Variants in PPP6R3 observed in about 807,000 individuals in gnomAD.
The protein encoded by PPP6R3 is serine/threonine-protein phosphatase 6 regulatory subunit 3.
In PPP6R3, 38 loss-of-function variants were observed where a neutral mutation model predicts 110.7. The observed-to-expected ratio is 0.34, with a 90% confidence interval of 0.26 to 0.45. PPP6R3 has a LOEUF of 0.45. Ranked by LOEUF, PPP6R3 falls within the 20% of genes least tolerant of loss-of-function variation. The pLI is 1.00. For synonymous variants in PPP6R3, 369 were observed against 373.5 expected, an observed-to-expected ratio of 0.99 and a Z score of 0.14; for missense variants, 870 against 1,062.4, an observed-to-expected ratio of 0.82 and a Z score of 2.52.
At chr11:68,591,120 T>C (rs527270435) in intron 17 of PPP6R3, among the ~76,000 whole-genome samples, 4 of 151,738 alleles carry the variant, frequency 2.6e-5, no homozygotes, top group Non-Finnish European at 5.9e-5. Flanking sequence ...AGACAGTTTA[T>C]TGATTTTATG....
At position 68,614,464 on chromosome 11, in the gene PPP6R3, G is replaced by A; in HGVS notation, c.*1347G>A. 1 of 1,364,192 alleles carries A rather than the reference G, an allele frequency of 7.3e-7. No homozygotes were observed. 84.5% of individuals were successfully genotyped at this position (1,364,192 alleles called of 1,614,324 possible). ...TTATTCACGTATTTTTACATCATTT[G>A]TTTTTCCTGACCAGTATTTAAAACC... is the stretch of plus-strand genomic sequence containing the variant. On this transcript the variant is annotated 3_prime_UTR_variant, in exon 24 of 24. Coordinates refer to ENST00000393800, the MANE Select transcript of PPP6R3 (RefSeq NM_001164161.2).
intron 14 of PPP6R3, among the ~76,000 whole-genome samples, chr11:68,576,982 T>C (rs1310862210): frequency 2.0e-5 from 3 of 152,184 alleles, no homozygotes; most frequent in Admixed American, 1.3e-4. Flanking sequence ...AAAAATATGG[T>C]CATCTTTTTC....
chr11:68,482,501 T>A lies in PPP6R3; in HGVS notation c.-158+21674T>A, dbSNP rs569628333. ...GAGTGTTTTGTTTTTGCAAGTTTTC[T>A]AGTGTAGAAGTCCTAAACTTACACA... On this transcript the variant is annotated intron_variant, in intron 1 of 23. Coordinates refer to ENST00000393800, the MANE Select transcript of PPP6R3 (RefSeq NM_001164161.2). Among the ~76,000 whole-genome samples the A allele has an allele frequency of 4.7e-4, 72 of 152,248 alleles. No homozygotes were observed. In the Middle Eastern group the frequency reaches 0.027, roughly 58 times the overall value.
intron 1 of PPP6R3, among the ~76,000 whole-genome samples, chr11:68,477,735 A>T (rs1264506071): frequency 1.6e-5 from 1 of 64,156 alleles, no homozygotes; most frequent in African/African-American, 5.9e-5. Context: ...TCTTAAAAAA[A>T]AAAAAAATAT....
At chr11:68,612,860 C>CA (rs924074169) in intron 23 of PPP6R3, 11 of 993,966 alleles carry the variant, frequency 1.1e-5, no homozygotes, top group African/African-American at 1.7e-5. Flanking sequence ...AATGCCTGCT[C>CA]ACCCGGTGAT....
At chr11:68,537,954 CTCTTGT>C (rs879830364) in intron 3 of PPP6R3, 63 bp downstream of exon 3, 1 of 1,225,172 alleles carries the variant, frequency 8.2e-7, no homozygotes, top group Non-Finnish European at 1.2e-6. Flanking sequence ...GAATATACAG[CTCTTGT>C]TCAAGGATTC....
intron 1 of PPP6R3, among the ~76,000 whole-genome samples, chr11:68,474,054 T>G (rs2098811025): frequency 6.6e-6 from 1 of 151,914 alleles, no homozygotes; most frequent in Non-Finnish European, 1.5e-5. Flanking sequence ...TTTTTTTTTT[T>G]TTTTTTGAGA....
intron 2 of PPP6R3, among the ~76,000 whole-genome samples, chr11:68,523,719 C>T (rs1230333330): frequency 1.1e-5 from 1 of 90,910 alleles, no homozygotes; most frequent in East Asian, 3.9e-4. Flanking sequence ...CCCCCCCCCC[C>T]CCTTTTTTTT....
intron 16 of PPP6R3, among the ~76,000 whole-genome samples, chr11:68,590,269 G>T (rs2099591187): frequency 6.6e-6 from 1 of 152,134 alleles, no homozygotes; most frequent in African/African-American, 2.4e-5. Context: ...ACTATCCCTG[G>T]AGAAAACTCA....
intron 1 of PPP6R3, among the ~76,000 whole-genome samples, chr11:68,518,550 G>T (rs1270397061): frequency 6.6e-6 from 1 of 152,096 alleles, no homozygotes; most frequent in Non-Finnish European, 1.5e-5. Flanking sequence ...ACAGCCACAT[G>T]GTCTGTTCTC....
intron 1 of PPP6R3, among the ~76,000 whole-genome samples, chr11:68,515,619 GGATTGTGTCTTTC>G (rs2099132693): frequency 6.6e-6 from 1 of 152,194 alleles, no homozygotes; most frequent in South Asian, 2.1e-4. Context: ...GTGGCATTCA[GGATTGTGTCTTTC>G]GAGATTATGA....
At chr11:68,595,187 A>T (rs2153896056) in intron 18 of PPP6R3, among the ~76,000 whole-genome samples, 1 of 150,646 alleles carries the variant, frequency 6.6e-6, no homozygotes, top group Admixed American at 6.6e-5. Flanking sequence ...CAAAAACACA[A>T]TACATAAAAA....
At chr11:68,486,014 T>C (rs972546767) in intron 1 of PPP6R3, among the ~76,000 whole-genome samples, 1 of 107,422 alleles carries the variant, frequency 9.3e-6, no homozygotes, top group Admixed American at 9.3e-5. Flanking sequence ...TAACTAAAAA[T>C]ACAAGAAAAA....
At chr11:68,608,563 C>T (rs1000687476) in intron 22 of PPP6R3, among the ~76,000 whole-genome samples, 2 of 152,142 alleles carry the variant, frequency 1.3e-5, no homozygotes, top group African/African-American at 2.4e-5. Context: ...TACTGAGAAA[C>T]GCCCAGACAG....
In PPP6R3 at chr11:68,531,046, A is replaced by T. The variant is rs75805066; in HGVS notation, c.-6-6613A>T. On this transcript the variant is annotated intron_variant, in intron 2 of 23. Coordinates refer to ENST00000393800, the MANE Select transcript of PPP6R3 (RefSeq NM_001164161.2). The stretch of plus-strand genomic sequence containing the variant: ...TGTCTTGTTGAATGAAAACCCACTG[A>T]TATCAACTTTTTCAGAGGTAGTTTC... Among the ~76,000 whole-genome samples, 1,086 of 152,216 alleles carry T rather than the reference A, an allele frequency of 7.1e-3. 12 individuals carry two copies. Among genetic ancestry groups the T allele is most frequent in the African/African-American group, 0.025 (1,033 of 41,500 alleles).
chr11:68,529,589 A>C (rs747843724), intron 2 of PPP6R3, among the ~76,000 whole-genome samples: 4 of 152,212 alleles, frequency 2.6e-5, no homozygotes, highest in Non-Finnish European at 5.9e-5. Context: ...TCTTGATGCA[A>C]GATCTAGCTC....
chr11:68,479,245 C>T (rs1591721139), intron 1 of PPP6R3, among the ~76,000 whole-genome samples: 1 of 152,132 alleles, frequency 6.6e-6, no homozygotes, highest in Non-Finnish European at 1.5e-5. Flanking sequence ...ACTGGAATAC[C>T]TGTAACCGCT....
At chr11:68,518,254 A>G (rs2099146717) in intron 1 of PPP6R3, among the ~76,000 whole-genome samples, 1 of 152,214 alleles carries the variant, frequency 6.6e-6, no homozygotes, top group South Asian at 2.1e-4. Flanking sequence ...AATTTTAACC[A>G]AGTGATTGAA....
chr11:68,588,681 G>A (rs976354278), intron 16 of PPP6R3, among the ~76,000 whole-genome samples: 3 of 150,428 alleles, frequency 2.0e-5, no homozygotes, highest in African/African-American at 7.3e-5. Flanking sequence ...TCCTGACCTC[G>A]TGATCCGCCT....
Sources: gnomAD v4.1 joint callset for allele counts (sites outside exome capture counted in the v4.1 genomes callset) on GRCh38, gnomAD v4.1.1 for gene constraint, MANE v1.5 for transcripts, NCBI Gene and HGNC (gene_info 2026-07-23, HGNC 2026-07-21) for gene names.